Variants in GPC5 observed in about 807,000 individuals in gnomAD.
GPC5 encodes glypican 5.
In GPC5, 47 loss-of-function variants were observed where a neutral mutation model predicts 53.9. The observed-to-expected ratio is 0.87, with a 90% CI of 0.69 to 1.11. The LOEUF is 1.11. Ranked by LOEUF, GPC5 falls within the 50% of genes most tolerant of loss-of-function variation. The pLI is 0.00. For missense variants in GPC5, 748 were observed against 713.1 expected (o/e 1.05, Z -0.56); for synonymous variants, 286 against 263.3 (o/e 1.09, Z -0.84).
chr13:92,663,266 T>C (rs1886410847), intron 7 of GPC5, among the ~76,000 whole-genome samples: 1 of 151,968 alleles, frequency 6.6e-6, no homozygotes, highest in Non-Finnish European at 1.5e-5. Context: ...AATTTAATGG[T>C]ATAAGAACAT....
At chr13:91,668,265 G>A (rs974813082) in intron 2 of GPC5, among the ~76,000 whole-genome samples, 2 of 152,306 alleles carry the variant, frequency 1.3e-5, no homozygotes, top group East Asian at 3.9e-4. Flanking sequence ...TCCAGCTGGG[G>A]CTTTGCTCTT....
chr13:92,720,953 C>A (rs1244288187), intron 7 of GPC5, among the ~76,000 whole-genome samples: 1 of 152,024 alleles, frequency 6.6e-6, no homozygotes, highest in Non-Finnish European at 1.5e-5. Flanking sequence ...TGATTTGTGG[C>A]AATTTCCTTT....
At chr13:92,493,329 A>G (rs75525497) in intron 7 of GPC5, among the ~76,000 whole-genome samples, 1 of 152,234 alleles carries the variant, frequency 6.6e-6, no homozygotes, top group South Asian at 2.1e-4. Flanking sequence ...TTGTATGCAT[A>G]TCATTTTAAG....
chr13:92,664,979 T>G (rs1208185955), intron 7 of GPC5, among the ~76,000 whole-genome samples: 1 of 152,146 alleles, frequency 6.6e-6, no homozygotes, highest in Non-Finnish European at 1.5e-5. Context: ...AAAGGATATG[T>G]TAATACAAAT....
chr13:92,249,695 T>C (rs1302573215), intron 7 of GPC5, among the ~76,000 whole-genome samples: 1 of 152,008 alleles, frequency 6.6e-6, no homozygotes, highest in Non-Finnish European at 1.5e-5. Flanking sequence ...AGTGGCAGAA[T>C]GTAGACATGA....
intron 6 of GPC5, among the ~76,000 whole-genome samples, chr13:91,941,457 A>C (rs1002468523): frequency 3.9e-5 from 6 of 152,094 alleles, no homozygotes; most frequent in Non-Finnish European, 8.8e-5. Flanking sequence ...CTGTTGAATC[A>C]TCATGCTTAT....
chr13:92,737,417 A>C (rs1303497115), intron 7 of GPC5, among the ~76,000 whole-genome samples: 1 of 152,092 alleles, frequency 6.6e-6, no homozygotes, highest in Non-Finnish European at 1.5e-5. Context: ...AATCTGGACC[A>C]GAAGATGCCC....
intron 2 of GPC5, among the ~76,000 whole-genome samples, chr13:91,539,729 G>A (rs1401201059): frequency 6.6e-6 from 1 of 151,758 alleles, no homozygotes; most frequent in African/African-American, 2.4e-5. Flanking sequence ...TGAGAAATGA[G>A]GATGTATACT....
At chr13:92,639,587 A>G (rs11840527) in intron 7 of GPC5, among the ~76,000 whole-genome samples, 4,086 of 152,296 alleles carry the variant, frequency 0.027, 185 homozygotes, top group African/African-American at 0.092. Flanking sequence ...TGTGGTCATA[A>G]TAAGATAATC....
At chr13:91,950,273 T>TG (rs1555299367) in intron 6 of GPC5, among the ~76,000 whole-genome samples, 11 of 151,080 alleles carry the variant, frequency 7.3e-5, no homozygotes, top group Admixed American at 7.3e-4. Context: ...CAAGTTTTTT[T>TG]TTTTTTTTTT....
At chr13:91,626,845 A>C (rs2034016588) in intron 2 of GPC5, among the ~76,000 whole-genome samples, 1 of 151,510 alleles carries the variant, frequency 6.6e-6, no homozygotes, top group Non-Finnish European at 1.5e-5. Context: ...ACAGGCCCTC[A>C]TGTGTGATGT....
chr13:91,415,844 A>C (rs1235604015), intron 1 of GPC5, among the ~76,000 whole-genome samples: 1 of 152,076 alleles, frequency 6.6e-6, no homozygotes, highest in Non-Finnish European at 1.5e-5. Context: ...ATGTCTCTCC[A>C]AGAAGGTGAT....
At chr13:92,152,562 C>A (rs2041914598) in intron 7 of GPC5, among the ~76,000 whole-genome samples, 2 of 151,534 alleles carry the variant, frequency 1.3e-5, no homozygotes, top group Admixed American at 6.6e-5. Flanking sequence ...ATGGTGAAAC[C>A]CTGGCTCTAC....
chr13:91,983,824 A>T lies in GPC5; in HGVS notation c.1401+75767A>T, dbSNP rs929103993. ...CATATTCGTAATTGGAATACAGGGA[A>T]TTATTCCTTAATTCCCTACCTACAT... is the stretch of plus-strand genomic sequence containing the variant. On this transcript the variant is annotated intron_variant, in intron 6 of 7. Transcript: ENST00000377067. Among the ~76,000 whole-genome samples the T allele has an allele frequency of 3.3e-5, 5 of 152,184 alleles. 1 individual carries two copies. Among genetic ancestry groups the T allele is most frequent in the Admixed American group, 3.3e-4 (5 of 15,276 alleles).
chr13:91,726,399 C>T (rs909128249), intron 3 of GPC5, among the ~76,000 whole-genome samples: 5 of 152,220 alleles, frequency 3.3e-5, no homozygotes. Flanking sequence ...ATTTGCTAAA[C>T]TTCAGCTGTG....
intron 7 of GPC5, among the ~76,000 whole-genome samples, chr13:92,785,708 G>C (rs1031985860): frequency 2.0e-5 from 3 of 152,166 alleles, no homozygotes; most frequent in Non-Finnish European, 4.4e-5. Context: ...CAGCGTCTAG[G>C]ATATGGTGGC....
At chr13:92,581,007 A>T (rs1432141327) in intron 7 of GPC5, among the ~76,000 whole-genome samples, 1 of 152,178 alleles carries the variant, frequency 6.6e-6, no homozygotes, top group Non-Finnish European at 1.5e-5. Context: ...ATATGAATAC[A>T]TTATAGAATG....
At chr13:92,527,154 AAGAAAGAAAGAAAGAAAG>A (rs1881333823) in intron 7 of GPC5, among the ~76,000 whole-genome samples, 8 of 124,576 alleles carry the variant, frequency 6.4e-5, no homozygotes, top group South Asian at 2.6e-4. Flanking sequence ...GAAAGAAAGA[AAGAAAGAAAGAAAGAAAG>A]AGAAAGAAAG....
At chr13:91,705,245 C>T (rs956674629) in intron 3 of GPC5, among the ~76,000 whole-genome samples, 1 of 152,164 alleles carries the variant, frequency 6.6e-6, no homozygotes, top group African/African-American at 2.4e-5. Flanking sequence ...ATTCTGACTT[C>T]GTGAATCAGA....
Sources: gnomAD v4.1 joint callset for allele counts (sites outside exome capture counted in the v4.1 genomes callset) on GRCh38, gnomAD v4.1.1 for gene constraint, MANE v1.5 for transcripts, NCBI Gene and HGNC (gene_info 2026-07-23, HGNC 2026-07-21) for gene names.